EDDM3A: variants seen among roughly 807,000 people sequenced by gnomAD.
EDDM3A encodes epididymal protein 3A.
For missense variants in EDDM3A, 199 were observed against 177.4 expected, an observed-to-expected ratio of 1.12 and a Z score of -0.69; for synonymous variants, 75 against 60.4, an observed-to-expected ratio of 1.24 and a Z score of -1.12.
chr14:20,740,222 G>A, the EDDM3A span, among the ~76,000 whole-genome samples: 25 of 152,138 alleles, frequency 1.6e-4, no homozygotes, highest in African/African-American at 6.0e-4. Flanking sequence ...TCAGTATGTT[G>A]ACTTGCTGGG....
upstream of EDDM3A, among the ~76,000 whole-genome samples, chr14:20,742,914 G>A (rs1877479423): frequency 1.3e-5 from 2 of 151,970 alleles, no homozygotes; most frequent in Non-Finnish European, 2.9e-5. Context: ...TTAATTTTCT[G>A]TAGAGATAGG....
At chr14:20,738,470 A>T in the EDDM3A span, among the ~76,000 whole-genome samples, 1 of 143,284 alleles carries the variant, frequency 7.0e-6, no homozygotes, top group Non-Finnish European at 1.5e-5. Context: ...ACTCTGTCTC[A>T]AAATAAATAA....
At chr14:20,743,139 G>A (rs1444733152), upstream of EDDM3A, among the ~76,000 whole-genome samples, 1 of 152,166 alleles carries the variant, frequency 6.6e-6, no homozygotes, top group African/African-American at 2.4e-5. Flanking sequence ...GAAGTCCGTG[G>A]ATCACAGATT....
At chr14:20,746,628 T>C (rs1877595645) in intron 1 of EDDM3A, among the ~76,000 whole-genome samples, 1 of 152,158 alleles carries the variant, frequency 6.6e-6, no homozygotes, top group Non-Finnish European at 1.5e-5. Context: ...TGAAGATCAT[T>C]TGTAATAGCA....
upstream of EDDM3A, among the ~76,000 whole-genome samples, chr14:20,741,059 GAAAA>G (rs913840624): frequency 6.6e-6 from 1 of 152,132 alleles, no homozygotes; most frequent in African/African-American, 2.4e-5. Context: ...AAAGCCAATG[GAAAA>G]TTTGTTCTCT....
upstream of EDDM3A, among the ~76,000 whole-genome samples, chr14:20,741,165 G>A (rs1284872932): frequency 6.6e-6 from 1 of 152,174 alleles, no homozygotes; most frequent in East Asian, 1.9e-4. Flanking sequence ...CCAAGCAGAT[G>A]AGCCTTAAGA....
In EDDM3A at chr14:20,747,706, T is replaced by C; in HGVS notation, c.126T>C (p.Ser42=). ...EFIKLHYLSP[S]REFKEYKCDV... ...TAAAACTTCATTACTTAAGTCCAAGTCGAGAATTCAAAGAGTACAAATGTG... is the reference window on the plus strand; with the variant it reads ...TAAAACTTCATTACTTAAGTCCAAGCCGAGAATTCAAAGAGTACAAATGTG... The change falls in exon 2 of 2, where the codon AGT becomes AGC. Residue 42 remains serine (S), a synonymous_variant. Coordinates refer to ENST00000326842, the MANE Select transcript of EDDM3A (RefSeq NM_006683.5). The C allele has an allele frequency of 6.2e-7, 1 of 1,614,092 alleles. No homozygotes were observed. Among genetic ancestry groups the C allele is most frequent in the Non-Finnish European group, 8.5e-7 (1 of 1,180,010 alleles).
Position 20,747,685 on chromosome 14 carries a change from A to G in EDDM3A, c.105A>G (p.Lys35=). ...ACATTTACTGGAGAGAATTCATAAA[A>G]CTTCATTACTTAAGTCCAAGTCGAG... ...SNNIYWREFI[K]LHYLSPSREF... is the part of the protein sequence containing the mutation. Residue 35 remains lysine (K), a synonymous_variant, in exon 2 of 2, where the codon AAA becomes AAG. Transcript: ENST00000326842. 1 of 1,614,140 alleles carries G rather than the reference A, an allele frequency of 6.2e-7. No individual in the cohort carries two copies. The highest frequency in any genetic ancestry group is 8.5e-7 in the Non-Finnish European group (1 of 1,180,004).
chr14:20,739,561 TA>T, the EDDM3A span, among the ~76,000 whole-genome samples: 1 of 152,174 alleles, frequency 6.6e-6, no homozygotes, highest in South Asian at 2.1e-4. Flanking sequence ...CACCCTAAAA[TA>T]TGCCCCAGAT....
chr14:20,745,512 C>G (rs1377896125), upstream of EDDM3A, among the ~76,000 whole-genome samples: 1 of 141,872 alleles, frequency 7.0e-6, no homozygotes, highest in African/African-American at 2.6e-5. Context: ...GGCAACAGAG[C>G]GAGACTCCAT....
Position 20,747,711 on chromosome 14 carries a change from A to T in EDDM3A, c.131A>T (p.Glu44Val). 1 of 1,614,194 alleles carries T rather than the reference A, an allele frequency of 6.2e-7. No homozygotes were observed. Among genetic ancestry groups the T allele is most frequent in the Non-Finnish European group, 8.5e-7 (1 of 1,180,022 alleles). The change falls in exon 2 of 2, where the codon GAA (glutamate) becomes GTA (valine). Residue 44 changes from glutamate (E) to valine (V), a missense_variant. Coordinates refer to ENST00000326842, the MANE Select transcript of EDDM3A (RefSeq NM_006683.5). ...CTTCATTACTTAAGTCCAAGTCGAG[A>T]ATTCAAAGAGTACAAATGTGATGTC... is the stretch of plus-strand genomic sequence containing the variant. ...IKLHYLSPSR[E>V]FKEYKCDVLM...
At chr14:20,746,039 T>A (rs1181902506) in intron 1 of EDDM3A, 47 bp downstream of exon 1, 1 of 152,272 alleles carries the variant, frequency 6.6e-6, no homozygotes, top group East Asian at 1.9e-4. Context: ...CCAGGAACAC[T>A]GGAAGGAGGC....
upstream of EDDM3A, among the ~76,000 whole-genome samples, chr14:20,742,454 A>G (rs938640679): frequency 1.3e-5 from 2 of 152,266 alleles, no homozygotes; most frequent in African/African-American, 4.8e-5. Flanking sequence ...TTGTGAAAAT[A>G]CAGCCACCAT....
chr14:20,736,172 A>G, the EDDM3A span, among the ~76,000 whole-genome samples: 1 of 149,632 alleles, frequency 6.7e-6, no homozygotes, highest in African/African-American at 2.5e-5. Flanking sequence ...TGCAGTGGCC[A>G]GATCTTGGCT....
At chr14:20,738,542 T>G in the EDDM3A span, among the ~76,000 whole-genome samples, 1 of 152,054 alleles carries the variant, frequency 6.6e-6, no homozygotes, top group Non-Finnish European at 1.5e-5. Context: ...AATTTACATA[T>G]GGGGAAAAAT....
the EDDM3A span, among the ~76,000 whole-genome samples, chr14:20,737,942 T>C: frequency 1.3e-5 from 2 of 152,206 alleles, no homozygotes; most frequent in African/African-American, 4.8e-5. Context: ...CGTCCTGCAA[T>C]GTTGAATGGC....
chr14:20,738,122 G>A, the EDDM3A span, among the ~76,000 whole-genome samples: 23 of 152,114 alleles, frequency 1.5e-4, no homozygotes, highest in African/African-American at 5.6e-4. Context: ...ACCTGGGGAG[G>A]AACAGACACC....
chr14:20,746,035 A>G (rs4081234), intron 1 of EDDM3A, 43 bp downstream of exon 1: 117,083 of 152,232 alleles, frequency 0.77, 45,373 homozygotes, highest in East Asian at 0.99. Flanking sequence ...ACAGCCAGGA[A>G]CACTGGAAGG....
chr14:20,743,098 G>A (rs188669543), upstream of EDDM3A, among the ~76,000 whole-genome samples: 7 of 152,278 alleles, frequency 4.6e-5, no homozygotes, highest in African/African-American at 1.4e-4. Context: ...CTACTGCATT[G>A]ATCCTATGAA....
Sources: allele counts gnomAD v4.1 joint callset (sites outside exome capture counted in the v4.1 genomes callset), GRCh38; gene constraint gnomAD v4.1.1; transcripts MANE v1.5; gene names NCBI Gene and HGNC (gene_info 2026-07-23, HGNC 2026-07-21).